Variants in ADCY8 observed in about 807,000 individuals in gnomAD.
The protein encoded by ADCY8 is adenylate cyclase type 8.
A neutral mutation model predicts 119.7 loss-of-function variants in ADCY8; 51 were observed. The observed-to-expected ratio is 0.43, with a 90% CI of 0.34 to 0.54. The LOEUF (loss-of-function observed/expected upper bound fraction) is 0.54. Ranked by LOEUF, ADCY8 falls within the 20% of genes least tolerant of loss-of-function variation. The probability of loss-of-function intolerance (pLI) is 0.03; values close to 1 mark genes in which losing one functional copy is unlikely to be tolerated. For synonymous variants in ADCY8, 665 were observed against 651.0 expected (o/e 1.02, Z -0.33); for missense variants, 1,383 against 1,598.8 (o/e 0.87, Z 2.30).
intron 15 of ADCY8, among the ~76,000 whole-genome samples, chr8:130,796,770 C>T (rs1815592290): frequency 6.6e-6 from 1 of 150,496 alleles, no homozygotes; most frequent in South Asian, 2.2e-4. Flanking sequence ...CACCTCCTCC[C>T]CTTTCCTCCT....
intron 13 of ADCY8, among the ~76,000 whole-genome samples, chr8:130,814,658 A>G (rs1057272457): frequency 1.3e-5 from 2 of 152,194 alleles, no homozygotes; most frequent in Non-Finnish European, 2.9e-5. Context: ...ATGAAGGAAG[A>G]GCAAAGGAAC....
rs1817964263 is a variant in ADCY8 at position 130,862,417 on chromosome 8, T to G, written c.2210+5429A>C. Among the ~76,000 whole-genome samples, 3 of 152,144 alleles carry G rather than the reference T, an allele frequency of 2.0e-5. No homozygotes were observed. The South Asian group carries it at 6.2e-4, about 32-fold the overall frequency. On this transcript the variant is annotated intron_variant, in intron 9 of 17. Coordinates refer to ENST00000286355, the MANE Select transcript of ADCY8 (RefSeq NM_001115.3). The stretch of plus-strand genomic sequence containing the variant: ...ATTTTCATTTAGTTCAATTTTGTTT[T>G]GTTTTGTTTTGTTTTTTTAGACCGA...
At chr8:130,818,276 C>A (rs1816405404) in intron 13 of ADCY8, among the ~76,000 whole-genome samples, 1 of 152,162 alleles carries the variant, frequency 6.6e-6, no homozygotes, top group Non-Finnish European at 1.5e-5. Flanking sequence ...CAGGTGCCTG[C>A]CATTATCACA....
At chr8:131,000,806 C>A (rs1822920441) in intron 1 of ADCY8, among the ~76,000 whole-genome samples, 1 of 151,984 alleles carries the variant, frequency 6.6e-6, no homozygotes, top group South Asian at 2.1e-4. Context: ...CAGATCAGTT[C>A]TTGAGCCTGG....
intron 9 of ADCY8, among the ~76,000 whole-genome samples, chr8:130,854,389 T>C (rs1005380456): frequency 2.6e-5 from 4 of 152,242 alleles, no homozygotes; most frequent in African/African-American, 7.2e-5. Flanking sequence ...TTTGTATTGA[T>C]ATTGTGATTT....
At chr8:130,783,841 C>T (rs747495751) in intron 16 of ADCY8, 36 bp from the exon 17 acceptor site, 26 of 1,520,084 alleles carry the variant, frequency 1.7e-5, no homozygotes, top group South Asian at 4.6e-5. Context: ...TCATTTAATG[C>T]GGAATGTGGG....
chr8:130,852,934 A>G (rs1817583558), intron 9 of ADCY8, among the ~76,000 whole-genome samples: 1 of 152,180 alleles, frequency 6.6e-6, no homozygotes, highest in South Asian at 2.1e-4. Context: ...CTCAATAAGT[A>G]TTCATTGACT....
Position 130,943,300 on chromosome 8 carries a change from T to G in ADCY8, c.1353+51A>C, listed in dbSNP as rs774103419. 4.7e-6 allele frequency: 6 copies of G among 1,285,874 alleles called. No homozygotes were observed. The East Asian group carries it at 9.3e-5, about 20-fold the overall frequency. 79.7% of individuals were successfully genotyped at this position (1,285,874 alleles called of 1,614,324 possible). A position where few individuals can be genotyped will look rare whatever the true frequency, so the allele number is the denominator to read the frequency against. On this transcript the variant is annotated intron_variant, in intron 4 of 17. Coordinates refer to ENST00000286355, the MANE Select transcript of ADCY8 (RefSeq NM_001115.3). The stretch of plus-strand genomic sequence containing the variant: ...AATCCTTCTCTTTCCTTATTCCATA[T>G]GCAGTCCCTCACTCCTGCAAAAGAC...
rs142142590 is a variant in ADCY8 at position 130,904,355 on chromosome 8, C to T, written c.1641-313G>A. Among the ~76,000 whole-genome samples, 168 of 103,260 alleles carry T rather than the reference C, an allele frequency of 1.6e-3. 1 individual carries two copies. Among genetic ancestry groups the T allele is most frequent in the Admixed American group, 4.9e-3 (47 of 9,556 alleles). 67.7% of individuals were successfully genotyped at this position (103,260 alleles called of 152,430 possible). ...GTCAGCCTGATCCCAGCAAACTTTACAAAACAGTGATTTTTTTTTTCAGTC... is the reference window on the plus strand; with the variant it reads ...GTCAGCCTGATCCCAGCAAACTTTATAAAACAGTGATTTTTTTTTTCAGTC... On this transcript the variant is annotated intron_variant, in intron 6 of 17. Transcript: ENST00000286355.
chr8:130,924,284 G>C (rs889814194), intron 5 of ADCY8, among the ~76,000 whole-genome samples: 2 of 152,164 alleles, frequency 1.3e-5, no homozygotes, highest in Admixed American at 1.3e-4. Context: ...TCTAAGAAGA[G>C]CGTTAGTTTG....
intron 8 of ADCY8, among the ~76,000 whole-genome samples, chr8:130,880,522 C>T (rs73346412): frequency 0.018 from 2,701 of 152,208 alleles, 79 homozygotes; most frequent in African/African-American, 0.062. Context: ...GATCTGTAAG[C>T]CCACTTAGGA....
intron 6 of ADCY8, among the ~76,000 whole-genome samples, chr8:130,908,281 A>C (rs1819856095): frequency 6.6e-6 from 1 of 152,358 alleles, no homozygotes; most frequent in South Asian, 2.1e-4. Context: ...TGATGCTTTT[A>C]AGATACAGGC....
intron 2 of ADCY8, among the ~76,000 whole-genome samples, chr8:130,972,352 T>C (rs1803750129): frequency 6.6e-6 from 1 of 152,188 alleles, no homozygotes; most frequent in Non-Finnish European, 1.5e-5. Context: ...TCATCATGTG[T>C]GTTTTGCTAA....
chr8:130,846,530 C>CCCTTCCTT (rs764912713), intron 11 of ADCY8, among the ~76,000 whole-genome samples: 1,741 of 131,398 alleles, frequency 0.013, 25 homozygotes, highest in Middle Eastern at 0.027. Context: ...CTCCCTCCCT[C>CCCTTCCTT]CCTTCCTTCC....
At chr8:130,868,024 A>C (rs1025710700) in intron 8 of ADCY8, 78 bp from the exon 9 acceptor site, 3 of 899,348 alleles carry the variant, frequency 3.3e-6, no homozygotes, top group African/African-American at 1.7e-5. Flanking sequence ...ATCAAGAAGA[A>C]ACAAGGCAAT....
chr8:130,932,530 T>G (rs1396790617), intron 5 of ADCY8, among the ~76,000 whole-genome samples: 1 of 152,164 alleles, frequency 6.6e-6, no homozygotes, highest in African/African-American at 2.4e-5. Flanking sequence ...ACTGTGCTGC[T>G]TGGGATGGGG....
chr8:130,872,813 T>C (rs1023689974), intron 8 of ADCY8, among the ~76,000 whole-genome samples: 2 of 152,118 alleles, frequency 1.3e-5, no homozygotes, highest in African/African-American at 4.8e-5. Flanking sequence ...GATAAACAAA[T>C]CATTTCAAAA....
intron 7 of ADCY8, among the ~76,000 whole-genome samples, chr8:130,893,081 A>G (rs1819244259): frequency 6.6e-6 from 1 of 152,194 alleles, no homozygotes; most frequent in African/African-American, 2.4e-5. Context: ...CACTTGGGTC[A>G]TTTTTATAAA....
chr8:130,860,272 T>G (rs954868920), intron 9 of ADCY8, among the ~76,000 whole-genome samples: 1 of 152,218 alleles, frequency 6.6e-6, no homozygotes, highest in East Asian at 1.9e-4. Flanking sequence ...TTGTTGAGTT[T>G]TGGGAGTTCT....
Sources: gnomAD v4.1 joint callset for allele counts (sites outside exome capture counted in the v4.1 genomes callset) on GRCh38, gnomAD v4.1.1 for gene constraint, MANE v1.5 for transcripts, NCBI Gene and HGNC (gene_info 2026-07-23, HGNC 2026-07-21) for gene names.